Variants in NAALADL2 observed in about 807,000 individuals in gnomAD.
NAALADL2 encodes the protein N-acetylated alpha-linked acidic dipeptidase like 2.
A neutral mutation model predicts 87.2 loss-of-function variants in NAALADL2; 76 were observed. The ratio of observed to expected loss-of-function variants is 0.87; its 90% CI spans 0.72 to 1.05. The LOEUF is 1.05. Among genes scored for constraint, NAALADL2 ranks in the 50% least tolerant of loss-of-function variants. NAALADL2 has a pLI of 0.00. For missense variants in NAALADL2, 1,089 were observed against 945.8 expected, an observed-to-expected ratio of 1.15 and a Z score of -1.99; for synonymous variants, 354 against 331.0, an observed-to-expected ratio of 1.07 and a Z score of -0.75.
intron 2 of NAALADL2, among the ~76,000 whole-genome samples, chr3:174,621,066 G>C (rs1487347888): frequency 6.6e-6 from 1 of 152,056 alleles, no homozygotes; most frequent in African/African-American, 2.4e-5. Context: ...CATCTCAGCA[G>C]ATGGGTAGAC....
chr3:174,794,186 T>G (rs1477745157), intron 3 of NAALADL2, among the ~76,000 whole-genome samples: 1 of 152,104 alleles, frequency 6.6e-6, no homozygotes. Context: ...ATATATTTAG[T>G]GTTTAATAAC....
At chr3:174,865,185 G>A (rs1301416490) in intron 1 of NAALADL2, among the ~76,000 whole-genome samples, 1 of 151,470 alleles carries the variant, frequency 6.6e-6, no homozygotes, top group Non-Finnish European at 1.5e-5. Flanking sequence ...TGTATATTGT[G>A]TCCAAAAAAA....
intron 2 of NAALADL2, among the ~76,000 whole-genome samples, chr3:174,556,611 G>T (rs1712854847): frequency 6.6e-6 from 1 of 152,100 alleles, no homozygotes; most frequent in Non-Finnish European, 1.5e-5. Flanking sequence ...ACAACTTATA[G>T]AATTGTGTAT....
chr3:175,124,242 A>C lies in NAALADL2; in HGVS notation c.545+26951A>C, dbSNP rs1376104089. Among the ~76,000 whole-genome samples, 10 of 152,134 alleles carry C rather than the reference A, an allele frequency of 6.6e-5. No homozygotes were observed. In the East Asian group the frequency reaches 1.9e-3, roughly 29 times the overall value. On this transcript the variant is annotated intron_variant, in intron 2 of 13. Coordinates refer to ENST00000454872, the MANE Select transcript of NAALADL2 (RefSeq NM_207015.3). ...AGGCGAAGTAATAATAGCAGTTTTA[A>C]GTTTCAAGTAACGGAAAATTCAGTT... is the stretch of plus-strand genomic sequence containing the variant.
At chr3:175,147,899 G>A (rs1291154112) in intron 2 of NAALADL2, among the ~76,000 whole-genome samples, 8 of 151,636 alleles carry the variant, frequency 5.3e-5, no homozygotes, top group Admixed American at 1.3e-4. Flanking sequence ...GTGAAACCTC[G>A]TCTCTTCTAA....
At chr3:175,433,650 A>G (rs1055198054) in intron 5 of NAALADL2, among the ~76,000 whole-genome samples, 1 of 152,080 alleles carries the variant, frequency 6.6e-6, no homozygotes, top group Non-Finnish European at 1.5e-5. Flanking sequence ...ATATTACCTT[A>G]TAAGAAAGTA....
At chr3:175,790,816 T>C (rs925460420) in intron 13 of NAALADL2, among the ~76,000 whole-genome samples, 3 of 152,344 alleles carry the variant, frequency 2.0e-5, no homozygotes, top group Admixed American at 6.5e-5. Context: ...AGATAACTCT[T>C]TCTTTCACAC....
intron 1 of NAALADL2, among the ~76,000 whole-genome samples, chr3:174,885,987 C>G (rs951088860): frequency 6.9e-6 from 1 of 145,002 alleles, no homozygotes; most frequent in Non-Finnish European, 1.5e-5. Context: ...AATCTAGGCT[C>G]ACTGCAAGCT....
chr3:175,132,763 A>C (rs1489796238), intron 2 of NAALADL2, among the ~76,000 whole-genome samples: 1 of 142,682 alleles, frequency 7.0e-6, no homozygotes, highest in Admixed American at 6.9e-5. Flanking sequence ...CCTCCCGGAC[A>C]GGGCGGCTCT....
At chr3:174,613,254 A>G (rs1260503361) in intron 2 of NAALADL2, among the ~76,000 whole-genome samples, 2 of 145,266 alleles carry the variant, frequency 1.4e-5, no homozygotes, top group Non-Finnish European at 3.0e-5. Flanking sequence ...CCAGCATGGT[A>G]CTGGGTCTTG....
chr3:174,835,409 G>T (rs80195706), intron 3 of NAALADL2, among the ~76,000 whole-genome samples: 2,333 of 152,126 alleles, frequency 0.015, 33 homozygotes, highest in Non-Finnish European at 0.017. Flanking sequence ...TCTCTTAGAA[G>T]AAAACATAGG....
chr3:174,859,321 A>G (rs1325587604), upstream of NAALADL2: 2 of 937,898 alleles, frequency 2.1e-6, no homozygotes, highest in Non-Finnish European at 3.4e-6. Flanking sequence ...TTACAATACT[A>G]CAGTAGAAAG....
At chr3:175,769,651 C>A (rs1430654274) in intron 13 of NAALADL2, among the ~76,000 whole-genome samples, 1 of 152,038 alleles carries the variant, frequency 6.6e-6, no homozygotes, top group Non-Finnish European at 1.5e-5. Flanking sequence ...TTTTAATAAT[C>A]TAGGCATGTC....
intron 3 of NAALADL2, among the ~76,000 whole-genome samples, chr3:174,843,730 G>A (rs1035817644): frequency 6.6e-6 from 1 of 152,054 alleles, no homozygotes; most frequent in Non-Finnish European, 1.5e-5. Flanking sequence ...TCTAACTAGA[G>A]TCAGGTGTTA....
intron 2 of NAALADL2, among the ~76,000 whole-genome samples, chr3:174,708,870 C>T (rs755516942): frequency 1.3e-5 from 2 of 152,012 alleles, no homozygotes; most frequent in Non-Finnish European, 2.9e-5. Context: ...ATTTTCATTC[C>T]AGTGGGTTTT....
chr3:175,616,259 TC>T (rs1170884399), intron 10 of NAALADL2, among the ~76,000 whole-genome samples: 5 of 146,698 alleles, frequency 3.4e-5, no homozygotes, highest in Admixed American at 2.7e-4. Context: ...ATTCAACACA[TC>T]CATTTATATT....
Position 175,600,075 on chromosome 3 carries a change from CAT to C in NAALADL2, c.1800+23893_1800+23894del, listed in dbSNP as rs141844758. ...ATCAAACTGCACATAATTTTAAAGA[CAT>C]ATATCATTTTATATATGTGCATGTA... On this transcript the variant is annotated intron_variant, in intron 10 of 13. Coordinates refer to ENST00000454872, the MANE Select transcript of NAALADL2 (RefSeq NM_207015.3). Among the ~76,000 whole-genome samples, 498 of 151,744 alleles carry C rather than the reference CAT, an allele frequency of 3.3e-3. 5 individuals are homozygous for C. The highest frequency in any genetic ancestry group is 0.011 in the African/African-American group (462 of 41,418).
chr3:174,592,511 A>G (rs1026105422), intron 2 of NAALADL2, among the ~76,000 whole-genome samples: 2 of 152,168 alleles, frequency 1.3e-5, no homozygotes, highest in Non-Finnish European at 2.9e-5. Flanking sequence ...GGAATGATCT[A>G]CATAATTTGG....
chr3:175,288,748 A>G (rs540045680), intron 4 of NAALADL2, among the ~76,000 whole-genome samples: 14 of 152,310 alleles, frequency 9.2e-5, no homozygotes, highest in Admixed American at 2.0e-4. Context: ...AATATAACCT[A>G]GATAATAGTC....
Sources: gnomAD v4.1 joint callset for allele counts (sites outside exome capture counted in the v4.1 genomes callset) on GRCh38, gnomAD v4.1.1 for gene constraint, MANE v1.5 for transcripts, NCBI Gene and HGNC (gene_info 2026-07-23, HGNC 2026-07-21) for gene names.